ACLY: variants seen among roughly 807,000 people sequenced by gnomAD.
ACLY encodes the protein ATP citrate lyase.
In ACLY, 41 loss-of-function variants were observed where a neutral mutation model predicts 133.0. That is an observed-to-expected ratio of 0.31 (90% CI 0.24 to 0.40). The LOEUF (loss-of-function observed/expected upper bound fraction) is 0.40. ACLY is among the 10% of genes least tolerant of loss of function. The probability of loss-of-function intolerance (pLI) is 1.00; values close to 1 mark genes in which losing one functional copy is unlikely to be tolerated. For synonymous variants in ACLY, 495 were observed against 549.3 expected (o/e 0.90, Z 1.38); for missense variants, 1,046 against 1,453.8 (o/e 0.72, Z 4.56).
chr17:41,891,736 C>A (rs2049218664), intron 16 of ACLY, among the ~76,000 whole-genome samples: 1 of 152,066 alleles, frequency 6.6e-6, no homozygotes, highest in Non-Finnish European at 1.5e-5. Context: ...TGCTCTGCCA[C>A]CCACGCTGGA....
upstream of ACLY, among the ~76,000 whole-genome samples, chr17:41,921,067 A>G (rs1555635363): frequency 1.3e-5 from 2 of 151,398 alleles, no homozygotes; most frequent in Non-Finnish European, 2.9e-5. Flanking sequence ...CGGAGGTTGC[A>G]GTGAGCCGAG....
At position 41,878,148 on chromosome 17, in the gene ACLY, C is replaced by T. The variant is rs2048810828; in HGVS notation, c.2442G>A (p.Gln814=). ...TGGGCACGGTTGGGGGCGGCACCTCCTGGGCAGGTACAATGACTCCATTGG... is the reference window on the plus strand; with the variant it reads ...TGGGCACGGTTGGGGGCGGCACCTCTTGGGCAGGTACAATGACTCCATTGG... ...LVANGVIVPA[Q]EVPPPTVPMD... is the part of the protein sequence containing the mutation. The change falls in exon 22 of 29, where the codon CAG becomes CAA. Residue 814 remains glutamine (Q), a synonymous_variant. Coordinates refer to ENST00000352035, the MANE Select transcript of ACLY (RefSeq NM_001096.3). 1.3e-6 allele frequency: 2 copies of T among 1,595,948 alleles called. No individual in the cohort carries two copies. The highest frequency in any genetic ancestry group is 2.7e-5 in the African/African-American group (2 of 73,516).
chr17:41,907,724 A>T (rs1274097528), intron 6 of ACLY, 152 bp from the exon 7 acceptor site: 1 of 857,346 alleles, frequency 1.2e-6, no homozygotes, highest in Non-Finnish European at 1.8e-6. Context: ...GCCCTTATGG[A>T]GACAGAGCTT....
intron 10 of ACLY, 103 bp from the exon 11 acceptor site, chr17:41,901,916 T>C: frequency 1.1e-6 from 1 of 884,390 alleles, no homozygotes; most frequent in South Asian, 1.7e-5. Flanking sequence ...CAAGTGCTGC[T>C]CCTCAGGAAG....
rs782415776 is a variant in ACLY, at chr17:41,871,749, A to C, written c.2877T>G (p.Phe959Leu). Residue 959 changes from phenylalanine (F) to leucine (L), a missense_variant, in exon 25 of 29, where the codon TTT (phenylalanine) becomes TTG (leucine). Transcript: ENST00000352035. ...TCCCTTCCTTCTTCATCTTGTTCAC[A>C]AACTCCATGGGGATAATGCCACTGT... ...AFDSGIIPME[F>L]VNKMKKEGKL... The C allele has an allele frequency of 2.2e-5, 36 of 1,613,976 alleles. No homozygotes were observed.
chr17:41,883,737 A>G (rs1243966612), intron 19 of ACLY, among the ~76,000 whole-genome samples: 1 of 151,610 alleles, frequency 6.6e-6, no homozygotes, highest in Non-Finnish European at 1.5e-5. Flanking sequence ...AGTGTGCACC[A>G]CCATGCCTGG....
intron 10 of ACLY, among the ~76,000 whole-genome samples, chr17:41,902,550 T>C (rs1443178248): frequency 1.3e-5 from 2 of 152,176 alleles, no homozygotes; most frequent in African/African-American, 2.4e-5. Context: ...ATATCCACTT[T>C]GGAAAAATGA....
chr17:41,869,609 C>T (rs782214778), intron 25 of ACLY, 22 bp from the exon 26 acceptor site: 5 of 1,574,752 alleles, frequency 3.2e-6, no homozygotes, highest in Admixed American at 1.7e-5. Context: ...CCCAACGGTA[C>T]AGAGGAACAC....
chr17:41,918,294 C>T lies in ACLY; in HGVS notation c.-24+586G>A, dbSNP rs150817632. Among the ~76,000 whole-genome samples the T allele has an allele frequency of 3.3e-3, 502 of 152,298 alleles. 5 individuals are homozygous for T. The highest frequency in any genetic ancestry group is 0.012 in the South Asian group (59 of 4,830). On this transcript the variant is annotated intron_variant, in intron 1 of 28. Transcript: ENST00000352035. ...CGAGATTCCAGTCCTCGCGGCGAGA[C>T]GAGGCGAGGCCTCGGGCACCCTGGG...
chr17:41,903,498 T>C (rs1455935910), intron 10 of ACLY, among the ~76,000 whole-genome samples: 3 of 152,082 alleles, frequency 2.0e-5, no homozygotes, highest in Admixed American at 6.6e-5. Flanking sequence ...CTCAAGTCAG[T>C]AATCCCAGCT....
chr17:41,905,497 G>T, intron 9 of ACLY, 25 bp downstream of exon 9: 1 of 1,614,174 alleles, frequency 6.2e-7, no homozygotes. Flanking sequence ...GTGGGGACAG[G>T]TATGTGTGTG....
At chr17:41,879,558 A>C (rs1205163864) in intron 20 of ACLY, among the ~76,000 whole-genome samples, 1 of 139,086 alleles carries the variant, frequency 7.2e-6, no homozygotes, top group Non-Finnish European at 1.5e-5. Context: ...AGCTGGGACT[A>C]TAGATATGTG....
intron 18 of ACLY, 55 bp downstream of exon 18, chr17:41,886,057 C>CCTAGCCCACTGCT: frequency 6.4e-7 from 1 of 1,563,582 alleles, no homozygotes; most frequent in Non-Finnish European, 8.8e-7. Context: ...AGCATCGTCT[C>CCTAGCCCACTGCT]CTAGCCCACT....
chr17:41,885,179 C>T (rs1225832543), intron 18 of ACLY, among the ~76,000 whole-genome samples: 1 of 152,198 alleles, frequency 6.6e-6, no homozygotes, highest in Non-Finnish European at 1.5e-5. Flanking sequence ...TGTTCTTGGC[C>T]TCTTCATGTC....
rs2049991687 is a variant in ACLY, at chr17:41,914,346, G to A, written c.-23-450C>T. Among the ~76,000 whole-genome samples the A allele has an allele frequency of 2.0e-5, 3 of 152,068 alleles. No homozygotes were observed. In the South Asian group the frequency reaches 6.2e-4, roughly 32 times the overall value. ...CTGTTCTCTGACCAGTGCAGAGTAC[G>A]GCTGAAATTGCAAAAGGCTAGCCTT... is the stretch of plus-strand genomic sequence containing the variant. On this transcript the variant is annotated intron_variant, in intron 1 of 28. Transcript: ENST00000352035.
At chr17:41,921,790 T>TG (rs1469244466), upstream of ACLY, among the ~76,000 whole-genome samples, 3 of 150,410 alleles carry the variant, frequency 2.0e-5, no homozygotes, top group African/African-American at 7.4e-5. Context: ...GGCAACATAG[T>TG]GAGTCACTGT....
chr17:41,916,945 C>A (rs2050067150), intron 1 of ACLY, among the ~76,000 whole-genome samples: 1 of 151,536 alleles, frequency 6.6e-6, no homozygotes, highest in Admixed American at 6.6e-5. Context: ...GAGTTTGAGA[C>A]CAGCCTGGCC....
At chr17:41,887,754 C>G in intron 16 of ACLY, 51 bp from the exon 17 acceptor site, 1 of 1,507,132 alleles carries the variant, frequency 6.6e-7, no homozygotes, top group Non-Finnish European at 9.2e-7. Context: ...TCAGAAAGGG[C>G]AACAAGACAG....
At position 41,913,840 on chromosome 17, in the gene ACLY, T is replaced by C. The variant is rs142893698; in HGVS notation, c.34A>G (p.Lys12Glu). The C allele has an allele frequency of 6.2e-7, 1 of 1,614,128 alleles. No individual in the cohort carries two copies. The highest frequency in any genetic ancestry group is 8.5e-7 in the Non-Finnish European group (1 of 1,180,054). Residue 12 changes from lysine to glutamate, a missense_variant, in exon 2 of 29, where the codon AAA becomes GAA. By Grantham distance (56) the Lys-to-Glu change is moderately conservative (BLOSUM62 1). Around this residue, in one of 4 missense-constraint regions of ACLY, gnomAD observed 227 missense variants for 245.6 expected, o/e 0.92. Coordinates refer to ENST00000352035, the MANE Select transcript of ACLY (RefSeq NM_001096.3). The part of the protein sequence containing the change: ...SAKAISEQTG[K>E]ELLYKFICTT... The stretch of plus-strand genomic sequence containing the variant: ...CAGATGAACTTGTAAAGGAGTTCTT[T>C]GCCCGTCTGCTCTGAAATTGCCTTG...
Sources: allele counts gnomAD v4.1 joint callset (sites outside exome capture counted in the v4.1 genomes callset), GRCh38; gene constraint gnomAD v4.1.1; regional missense constraint gnomAD v4.1.1; transcripts MANE v1.5; gene names NCBI Gene and HGNC (gene_info 2026-07-23, HGNC 2026-07-21).